The following SCN8A variants were observed in gnomAD, a reference collection of about 807,000 sequenced individuals.
SCN8A encodes sodium channel protein type 8 subunit alpha.
In SCN8A, 30 loss-of-function variants were observed where a neutral mutation model predicts 184.1. The ratio of observed to expected loss-of-function variants is 0.16; its 90% CI spans 0.12 to 0.22. The LOEUF (loss-of-function observed/expected upper bound fraction) is 0.22, where lower values mean the gene tolerates loss of function less well. SCN8A is among the 10% of genes least tolerant of loss of function. The pLI, the probability that SCN8A is intolerant of heterozygous loss-of-function variation, is 1.00. For missense variants in SCN8A, 1,057 were observed against 2,498.9 expected (o/e 0.42, Z 12.30); for synonymous variants, 852 against 907.0 (o/e 0.94, Z 1.09).
intron 14 of SCN8A, among the ~76,000 whole-genome samples, chr12:51,760,999 C>G (rs1942754424): frequency 6.6e-6 from 1 of 151,896 alleles, no homozygotes; most frequent in African/African-American, 2.4e-5. Context: ...TTCAGTTTTC[C>G]TTAAACTGTT....
intron 1 of SCN8A, among the ~76,000 whole-genome samples, chr12:51,593,152 G>A (rs1939268372): frequency 6.6e-6 from 1 of 152,110 alleles, no homozygotes; most frequent in Non-Finnish European, 1.5e-5. Flanking sequence ...ATTTCTCCCT[G>A]AAAGAGGATT....
At chr12:51,683,105 C>T (rs1289804019) in intron 2 of SCN8A, among the ~76,000 whole-genome samples, 1 of 152,198 alleles carries the variant, frequency 6.6e-6, no homozygotes. Flanking sequence ...CTCCCTCCTG[C>T]TGCCTCTCAT....
At chr12:51,732,651 GC>G (rs1303630611) in intron 12 of SCN8A, among the ~76,000 whole-genome samples, 1 of 152,040 alleles carries the variant, frequency 6.6e-6, no homozygotes, top group African/African-American at 2.4e-5. Flanking sequence ...TCTGTAGCTT[GC>G]TTTGACTAAT....
intron 22 of SCN8A, among the ~76,000 whole-genome samples, chr12:51,787,984 G>A (rs1042622303): frequency 2.6e-5 from 4 of 152,206 alleles, no homozygotes; most frequent in African/African-American, 9.6e-5. Context: ...GCAAGATGCT[G>A]TGCTTGACAG....
In SCN8A at chr12:51,751,409, C is replaced by G. The variant is rs979349086; in HGVS notation, c.2186C>G (p.Thr729Ser). 2.5e-6 allele frequency: 4 copies of G among 1,613,970 alleles called. No homozygotes were observed. Among genetic ancestry groups the G allele is most frequent in the Non-Finnish European group, 3.4e-6 (4 of 1,179,862 alleles). ...CPPCWYKFAN[T>S]FLIWECHPYW... ...CCATGCTGGTATAAATTTGCCAACA[C>G]TTTCCTCATCTGGGAGTGCCACCCC... The change falls in exon 14 of 27, where the codon ACT becomes AGT. Residue 729 changes from threonine (T) to serine (S), a missense_variant. Physicochemically the swap from Thr to Ser is moderately conservative, Grantham distance 58. Around this residue, in one of 19 missense-constraint regions of SCN8A, gnomAD observed 322 missense variants for 390.1 expected, o/e 0.83. Transcript: ENST00000627620.
intron 12 of SCN8A, chr12:51,722,385 G>A (rs187397785): frequency 6.0e-6 from 1 of 167,352 alleles, no homozygotes; most frequent in Non-Finnish European, 1.3e-5. Flanking sequence ...AACCGGTTTG[G>A]AACTACCATT....
At chr12:51,684,859 A>C (rs1185817891) in intron 3 of SCN8A, among the ~76,000 whole-genome samples, 1 of 152,216 alleles carries the variant, frequency 6.6e-6, no homozygotes, top group Non-Finnish European at 1.5e-5. Flanking sequence ...GAAAAATGCC[A>C]ATTTATTCAA....
rs189949388 is a variant in SCN8A, at chr12:51,670,105, A to G, written c.276+7012A>G. Among the ~76,000 whole-genome samples the G allele has an allele frequency of 3.3e-5, 5 of 152,372 alleles. No homozygotes were observed. In the East Asian group the frequency reaches 9.6e-4, roughly 29 times the overall value. ...TTTATTTACCAAATCAAATTGAGAT[A>G]AATGCTTTGAGACACTGGGAGGTGG... is the stretch of plus-strand genomic sequence containing the variant. On this transcript the variant is annotated intron_variant, in intron 2 of 26. Coordinates refer to ENST00000627620, the MANE Select transcript of SCN8A (RefSeq NM_001330260.2).
intron 1 of SCN8A, among the ~76,000 whole-genome samples, chr12:51,607,393 C>G (rs572717695): frequency 6.7e-4 from 102 of 152,296 alleles, no homozygotes; most frequent in Non-Finnish European, 5.1e-4. Context: ...TTCACTTCCT[C>G]TTTACTGATT....
intron 11 of SCN8A, among the ~76,000 whole-genome samples, chr12:51,717,423 T>C (rs950327901): frequency 1.3e-5 from 2 of 152,242 alleles, no homozygotes; most frequent in African/African-American, 2.4e-5. Context: ...ATGTTATGAC[T>C]GTGTCTAATT....
intron 20 of SCN8A, among the ~76,000 whole-genome samples, chr12:51,775,075 A>G (rs759235310): frequency 1.3e-5 from 2 of 152,120 alleles, no homozygotes; most frequent in Non-Finnish European, 2.9e-5. Context: ...TGTCAGCTTT[A>G]CTAAGGATGA....
At chr12:51,594,388 C>T (rs1157578013) in intron 1 of SCN8A, among the ~76,000 whole-genome samples, 1 of 152,116 alleles carries the variant, frequency 6.6e-6, no homozygotes. Context: ...CTGTAGAGAA[C>T]ATACAAGAAA....
At chr12:51,740,555 T>C (rs1942405827) in intron 12 of SCN8A, among the ~76,000 whole-genome samples, 1 of 152,224 alleles carries the variant, frequency 6.6e-6, no homozygotes, top group Non-Finnish European at 1.5e-5. Flanking sequence ...TTAAGACTTA[T>C]TTGTGACCTA....
intron 2 of SCN8A, among the ~76,000 whole-genome samples, chr12:51,678,552 CCT>C (rs1941266146): frequency 1.3e-5 from 2 of 152,164 alleles, no homozygotes; most frequent in Admixed American, 6.5e-5. Flanking sequence ...ATCAGGCAGC[CCT>C]CTCTCTTATT....
chr12:51,722,993 A>G (rs1942093587), intron 12 of SCN8A: 1 of 152,208 alleles, frequency 6.6e-6, no homozygotes, highest in African/African-American at 2.4e-5. Context: ...TTGAGATAGC[A>G]TGTTAGTCTA....
Position 51,684,156 on chromosome 12 carries a change from C to G in SCN8A, c.277-18C>G, listed in dbSNP as rs1941380912. 1.6e-6 allele frequency: 2 copies of G among 1,212,536 alleles called. No individual in the cohort carries two copies. Among genetic ancestry groups the G allele is most frequent in the Non-Finnish European group, 1.2e-6 (1 of 813,926 alleles). The allele number at this position is 1,212,536 out of a possible 1,614,324, so 75.1% of individuals were successfully genotyped here. On this transcript the variant is annotated intron_variant, in intron 2 of 26. Transcript: ENST00000627620. ...ATACCCATGCTTTAATAATTTCTCT[C>G]TCTTTCTTTCTCCACAGACCTTTGT...
chr12:51,654,297 T>C (rs1940777969), intron 1 of SCN8A, among the ~76,000 whole-genome samples: 1 of 152,216 alleles, frequency 6.6e-6, no homozygotes, highest in African/African-American at 2.4e-5. Flanking sequence ...TTCCTCTATA[T>C]TTTCTTCTAA....
intron 1 of SCN8A, among the ~76,000 whole-genome samples, chr12:51,600,632 G>A (rs1004212769): frequency 6.6e-6 from 1 of 152,184 alleles, no homozygotes; most frequent in African/African-American, 2.4e-5. Context: ...TGAGTATACA[G>A]TGGTAACTTA....
At chr12:51,770,460 A>T in intron 18 of SCN8A, 69 bp from the exon 19 acceptor site, 1 of 1,472,336 alleles carries the variant, frequency 6.8e-7, no homozygotes, top group Non-Finnish European at 9.1e-7. Flanking sequence ...GGCCTGGGAG[A>T]TGGAGGAGAG....
Sources: allele counts gnomAD v4.1 joint callset (sites outside exome capture counted in the v4.1 genomes callset), GRCh38; gene constraint gnomAD v4.1.1; regional missense constraint gnomAD v4.1.1; transcripts MANE v1.5; gene names NCBI Gene and HGNC (gene_info 2026-07-23, HGNC 2026-07-21).